GALNT13: variants seen among roughly 807,000 people sequenced by gnomAD.
GALNT13 encodes the protein polypeptide N-acetylgalactosaminyltransferase 13.
GALNT13 carries 28 observed loss-of-function variants against 64.2 expected under a neutral mutation model. The ratio of observed to expected loss-of-function variants is 0.44; its 90% CI spans 0.32 to 0.60. The LOEUF (loss-of-function observed/expected upper bound fraction) is 0.60, where lower values mean the gene tolerates loss of function less well. GALNT13 is among the 20% of genes least tolerant of loss of function. The pLI, the probability that GALNT13 is intolerant of heterozygous loss-of-function variation, is 0.05. For synonymous variants in GALNT13, 214 were observed against 224.6 expected (o/e 0.95, Z 0.42); for missense variants, 577 against 669.8 (o/e 0.86, Z 1.53).
chr2:154,182,790 C>G (rs1367395659), intron 4 of GALNT13, among the ~76,000 whole-genome samples: 4 of 151,774 alleles, frequency 2.6e-5, no homozygotes, highest in African/African-American at 9.7e-5. Flanking sequence ...TGACTAATCA[C>G]AGCACTTTGG....
At chr2:153,829,815 GTTGAA>G in the GALNT13 span, among the ~76,000 whole-genome samples, 8 of 152,166 alleles carry the variant, frequency 5.3e-5, no homozygotes, top group African/African-American at 1.7e-4. Flanking sequence ...ATGCTTGCAT[GTTGAA>G]TTGAACAGAA....
At chr2:153,533,814 G>T in the GALNT13 span, among the ~76,000 whole-genome samples, 1 of 135,398 alleles carries the variant, frequency 7.4e-6, no homozygotes. Context: ...GTTATATCCA[G>T]TCTACTGATA....
the GALNT13 span, among the ~76,000 whole-genome samples, chr2:153,344,168 CA>C: frequency 6.6e-6 from 1 of 151,990 alleles, no homozygotes; most frequent in African/African-American, 2.4e-5. Context: ...TAATCATAAT[CA>C]AAAATTTATA....
At chr2:153,648,481 G>T in the GALNT13 span, among the ~76,000 whole-genome samples, 1 of 152,158 alleles carries the variant, frequency 6.6e-6, no homozygotes, top group South Asian at 2.1e-4. Flanking sequence ...TGATTGCCCT[G>T]GTCAGAACTT....
rs72868467 is a variant in GALNT13 at position 154,040,461 on chromosome 2, G to T, written c.142+95822G>T. On this transcript the variant is annotated intron_variant, in intron 3 of 12. Coordinates refer to ENST00000392825, the MANE Select transcript of GALNT13 (RefSeq NM_052917.4). ...AAAGACTTTGAAATCATATTGTCTT[G>T]GTTCAATTTTTTCCCCTCAACACAT... 7.1e-5 allele frequency among the ~76,000 whole-genome samples: 10 copies of T among 140,538 alleles called. 2 individuals are homozygous for T. The highest frequency in any genetic ancestry group is 1.6e-4 in the Non-Finnish European group (10 of 61,054). The allele number at this position is 140,538 out of a possible 152,430, so 92.2% of individuals were successfully genotyped here.
chr2:154,288,935 A>G (rs1209822715), intron 8 of GALNT13, among the ~76,000 whole-genome samples: 3 of 152,230 alleles, frequency 2.0e-5, no homozygotes, highest in Non-Finnish European at 4.4e-5. Flanking sequence ...CCACTGGACA[A>G]TGCCCAGGGG....
chr2:154,197,996 A>G (rs1228833109), intron 4 of GALNT13, among the ~76,000 whole-genome samples: 1 of 152,174 alleles, frequency 6.6e-6, no homozygotes, highest in African/African-American at 2.4e-5. Flanking sequence ...CACAAATTAA[A>G]AAAGAAAAAA....
the GALNT13 span, among the ~76,000 whole-genome samples, chr2:153,287,859 G>C: frequency 3.3e-5 from 5 of 152,156 alleles, no homozygotes; most frequent in Non-Finnish European, 5.9e-5. Flanking sequence ...AAACACAACT[G>C]TCTGTCCTCA....
At position 154,363,273 on chromosome 2, in the gene GALNT13, G is replaced by A. The variant is rs192360858; in HGVS notation, c.1157-32718G>A. 3.9e-5 allele frequency among the ~76,000 whole-genome samples: 6 copies of A among 152,230 alleles called. No homozygotes were observed. The East Asian group carries it at 9.6e-4, about 24-fold the overall frequency. Reference sequence around the variant, plus strand: ...TTCATCTTCTCTGCCTTCCCAGTATGGCTTAGATATTCTCAAGCCTTGGCT... The same window carrying A: ...TTCATCTTCTCTGCCTTCCCAGTATAGCTTAGATATTCTCAAGCCTTGGCT... On this transcript the variant is annotated intron_variant, in intron 9 of 12. Coordinates refer to ENST00000392825, the MANE Select transcript of GALNT13 (RefSeq NM_052917.4).
intron 4 of GALNT13, among the ~76,000 whole-genome samples, chr2:154,231,816 C>A (rs1432494929): frequency 6.7e-6 from 1 of 148,404 alleles, no homozygotes; most frequent in Non-Finnish European, 1.5e-5. Context: ...TAATATCTAA[C>A]CTATTTTGTT....
At chr2:153,442,503 A>T in the GALNT13 span, among the ~76,000 whole-genome samples, 490 of 152,290 alleles carry the variant, frequency 3.2e-3, no homozygotes, top group African/African-American at 0.011. Context: ...ATTGTTTAGA[A>T]TAGTTTCAGA....
At chr2:153,711,241 A>G in the GALNT13 span, among the ~76,000 whole-genome samples, 1 of 152,132 alleles carries the variant, frequency 6.6e-6, no homozygotes, top group African/African-American at 2.4e-5. Flanking sequence ...GCCTAAATCT[A>G]TGGCTTTATA....
chr2:154,087,409 T>G (rs977751622), intron 3 of GALNT13, among the ~76,000 whole-genome samples: 1 of 152,208 alleles, frequency 6.6e-6, no homozygotes, highest in South Asian at 2.1e-4. Context: ...TACTGAAACA[T>G]TTTTAACTTT....
the GALNT13 span, among the ~76,000 whole-genome samples, chr2:153,182,007 T>C: frequency 1.3e-5 from 2 of 151,130 alleles, no homozygotes; most frequent in Non-Finnish European, 2.9e-5. Flanking sequence ...TAAATTCTCA[T>C]CCATTTTTCT....
the GALNT13 span, among the ~76,000 whole-genome samples, chr2:153,597,142 G>A: frequency 3.3e-5 from 5 of 151,892 alleles, no homozygotes; most frequent in African/African-American, 7.3e-5. Context: ...TGCTTTTCCC[G>A]ATAACAGACT....
chr2:153,883,572 G>T (rs1250399497), intron 1 of GALNT13, among the ~76,000 whole-genome samples: 5 of 152,072 alleles, frequency 3.3e-5, no homozygotes, highest in Non-Finnish European at 5.9e-5. Flanking sequence ...AAAACAGAAA[G>T]ACATGGCATG....
At chr2:153,950,085 G>A (rs1692062725) in intron 3 of GALNT13, among the ~76,000 whole-genome samples, 1 of 151,834 alleles carries the variant, frequency 6.6e-6, no homozygotes, top group South Asian at 2.1e-4. Context: ...TGATAAATTT[G>A]ACTATGTTAA....
the GALNT13 span, among the ~76,000 whole-genome samples, chr2:153,229,945 G>A: frequency 6.6e-6 from 1 of 152,268 alleles, no homozygotes; most frequent in African/African-American, 2.4e-5. Flanking sequence ...AGCACCTTTG[G>A]TACTGAGATG....
At chr2:153,071,573 C>G in the GALNT13 span, among the ~76,000 whole-genome samples, 1 of 152,192 alleles carries the variant, frequency 6.6e-6, no homozygotes, top group Non-Finnish European at 1.5e-5. Context: ...CAGAGACTAA[C>G]TCTATTATTA....
Sources: gnomAD v4.1 joint callset for allele counts (sites outside exome capture counted in the v4.1 genomes callset) on GRCh38, gnomAD v4.1.1 for gene constraint, MANE v1.5 for transcripts, NCBI Gene and HGNC (gene_info 2026-07-23, HGNC 2026-07-21) for gene names.